IGF2R: variants seen among roughly 807,000 people sequenced by gnomAD.
The protein encoded by IGF2R is cation-independent mannose-6-phosphate receptor.
A neutral mutation model predicts 270.6 loss-of-function variants in IGF2R; 91 were observed. The ratio of observed to expected loss-of-function variants is 0.34; its 90% confidence interval spans 0.28 to 0.40. IGF2R has a LOEUF of 0.40. IGF2R is among the 10% of genes least tolerant of loss of function. The pLI, the probability that IGF2R is intolerant of heterozygous loss-of-function variation, is 1.00. For missense variants in IGF2R, 2,805 were observed against 3,188.3 expected (o/e 0.88, Z 2.90); for synonymous variants, 1,316 against 1,258.9 (o/e 1.05, Z -0.96).
intron 5 of IGF2R, among the ~76,000 whole-genome samples, chr6:160,025,659 C>T (rs913783460): frequency 1.3e-5 from 2 of 151,982 alleles, no homozygotes; most frequent in African/African-American, 2.4e-5. Context: ...CAAAAGTAAC[C>T]AATGATAACT....
Position 160,084,291 on chromosome 6 carries a change from C to G in IGF2R, c.6068+107C>G. 2 of 679,602 alleles carry G rather than the reference C, an allele frequency of 2.9e-6. No individual in the cohort carries two copies. Among genetic ancestry groups the G allele is most frequent in the Non-Finnish European group, 2.6e-6 (1 of 382,884 alleles). The allele number at this position is 679,602 out of a possible 1,614,324, so 42.1% of individuals were successfully genotyped here. ...GGGTTCTCAAGATGGGAATACTATGCCCATGTGAGGCTGATGGTGGTTGAG... is the reference window on the plus strand; with the variant it reads ...GGGTTCTCAAGATGGGAATACTATGGCCATGTGAGGCTGATGGTGGTTGAG... On this transcript the variant is annotated intron_variant, in intron 40 of 47. Transcript: ENST00000356956. The surrounding 1 kb of genome is among the most constrained non-coding windows in gnomAD (Gnocchi z 4.6).
In IGF2R at chr6:160,106,801, G is replaced by A. The variant is rs369917926; in HGVS notation, c.*1717G>A. On this transcript the variant is annotated 3_prime_UTR_variant, in exon 48 of 48. Transcript: ENST00000356956. ...TCTTTACCTTCTCCAGGCCAACCTC[G>A]GGGTGTGGTCCTGTTCATCAAAACA... is the stretch of plus-strand genomic sequence containing the variant. 6.6e-6 allele frequency: 1 copy of A among 152,126 alleles called. No individual in the cohort carries two copies. Among genetic ancestry groups the A allele is most frequent in the African/African-American group, 2.4e-5 (1 of 41,416 alleles). 9.4% of individuals were successfully genotyped at this position (152,126 alleles called of 1,614,324 possible).
chr6:159,977,789 AG>A (rs1333196588), intron 1 of IGF2R, among the ~76,000 whole-genome samples: 3 of 152,102 alleles, frequency 2.0e-5, no homozygotes, highest in Non-Finnish European at 4.4e-5. Flanking sequence ...GTGTGTGTCC[AG>A]TCAGGATGCT....
At chr6:159,996,641 C>G (rs112118335) in intron 2 of IGF2R, among the ~76,000 whole-genome samples, 25 of 152,244 alleles carry the variant, frequency 1.6e-4, no homozygotes, top group African/African-American at 5.5e-4. Flanking sequence ...TGTCACACCC[C>G]GTCCTGGCGC....
At chr6:160,077,518 C>G (rs1778880615) in intron 36 of IGF2R, among the ~76,000 whole-genome samples, 1 of 152,194 alleles carries the variant, frequency 6.6e-6, no homozygotes, top group African/African-American at 2.4e-5. Flanking sequence ...TCAGCAGCTG[C>G]ACATTGAGGG....
chr6:160,088,682 A>G (rs914555658), intron 42 of IGF2R, among the ~76,000 whole-genome samples: 2 of 152,216 alleles, frequency 1.3e-5, no homozygotes, highest in Admixed American at 6.5e-5. Flanking sequence ...AGAAATTGCC[A>G]AAGGATTTAT....
At chr6:159,971,541 A>G (rs1562327472) in intron 1 of IGF2R, among the ~76,000 whole-genome samples, 1 of 152,036 alleles carries the variant, frequency 6.6e-6, no homozygotes, top group African/African-American at 2.4e-5. Flanking sequence ...ATTTTCACCC[A>G]CCTCTTTCCC....
rs17847625 is a variant in IGF2R, at chr6:160,045,983, A to T, written c.1903+101A>T. 263 of 1,049,322 alleles carry T rather than the reference A, an allele frequency of 2.5e-4. 3 individuals carry two copies. In the East Asian group the frequency reaches 7.2e-3, roughly 29 times the overall value. 65.0% of individuals were successfully genotyped at this position (1,049,322 alleles called of 1,614,324 possible). On this transcript the variant is annotated intron_variant, in intron 14 of 47. Transcript: ENST00000356956. ...AGGTTTTCAAGGTGACCCGCCTTAG[A>T]ATTTTATTCATGCTGTTTGAACAAA...
Position 160,027,130 on chromosome 6 carries a change from G to A in IGF2R, c.647-55G>A, listed in dbSNP as rs138895579. Reference sequence around the variant, plus strand: ...AAAGGGACCCTGGGTCTAAGGGTACGTGTGATTATCACTCCTAACACCTAA... The same window carrying A: ...AAAGGGACCCTGGGTCTAAGGGTACATGTGATTATCACTCCTAACACCTAA... On this transcript the variant is annotated intron_variant, in intron 5 of 47. Coordinates refer to ENST00000356956, the MANE Select transcript of IGF2R (RefSeq NM_000876.4). 1.6e-4 allele frequency: 250 copies of A among 1,595,924 alleles called. 1 individual carries two copies. In the African/African-American group the frequency reaches 1.6e-3, roughly 10 times the overall value.
At chr6:160,020,897 T>C (rs935369289) in intron 4 of IGF2R, among the ~76,000 whole-genome samples, 4 of 152,186 alleles carry the variant, frequency 2.6e-5, no homozygotes, top group African/African-American at 9.7e-5. Flanking sequence ...AGGCAAAGAA[T>C]TCATGACTAA....
chr6:160,057,968 G>C (rs1272248038), intron 20 of IGF2R, 55 bp from the exon 21 acceptor site: 1 of 1,033,302 alleles, frequency 9.7e-7, no homozygotes, highest in East Asian at 2.4e-5. Flanking sequence ...TGTATGTTAT[G>C]TTCCTGTGGA....
intron 19 of IGF2R, among the ~76,000 whole-genome samples, chr6:160,054,178 G>A (rs977133177): frequency 6.6e-6 from 1 of 152,202 alleles, no homozygotes; most frequent in Admixed American, 6.5e-5. Context: ...ACTAAGACAC[G>A]AATGGATGCT....
At chr6:160,103,876 C>A in intron 47 of IGF2R, 61 bp downstream of exon 47, 2 of 1,135,818 alleles carry the variant, frequency 1.8e-6, no homozygotes, top group South Asian at 1.2e-5. Context: ...GCTGCGCTGT[C>A]CATGTCGTTC....
Position 160,056,503 on chromosome 6 carries a change from A to G in IGF2R, c.2774A>G (p.Gln925Arg). 6.2e-7 allele frequency: 1 copy of G among 1,613,212 alleles called. No homozygotes were observed. Among genetic ancestry groups the G allele is most frequent in the Non-Finnish European group, 8.5e-7 (1 of 1,179,132 alleles). ...AACACAGAGGCTGCCTGTCCCATTC[A>G]GACAACGACGGATACAGACCAGGTA... Reference protein sequence around the residue: ...LWNTEAACPIQTTTDTDQACS... With the variant: ...LWNTEAACPIRTTTDTDQACS... The change falls in exon 20 of 48, where the codon CAG becomes CGG. Residue 925 changes from glutamine (Q) to arginine (R), a missense_variant. Gln to Arg is a conservative substitution (Grantham distance 43). Transcript: ENST00000356956.
chr6:160,042,508 C>T (rs905611487), intron 11 of IGF2R, among the ~76,000 whole-genome samples: 1 of 152,194 alleles, frequency 6.6e-6, no homozygotes. Flanking sequence ...TGGATGCCCT[C>T]GCCCTTGCTT....
At chr6:160,028,166 G>A (rs1211288788) in intron 6 of IGF2R, among the ~76,000 whole-genome samples, 2 of 152,326 alleles carry the variant, frequency 1.3e-5, no homozygotes, top group Middle Eastern at 3.4e-3. Flanking sequence ...TGAAGAAGGC[G>A]TCACCGGGGC....
At chr6:159,981,370 C>T (rs771771153) in intron 1 of IGF2R, among the ~76,000 whole-genome samples, 20 of 151,918 alleles carry the variant, frequency 1.3e-4, no homozygotes, top group Admixed American at 3.9e-4. Flanking sequence ...TGTCTGAGTG[C>T]GTGTGTCTCT....
intron 1 of IGF2R, among the ~76,000 whole-genome samples, chr6:159,990,152 G>T (rs563695323): frequency 6.6e-6 from 1 of 152,220 alleles, no homozygotes; most frequent in African/African-American, 2.4e-5. Flanking sequence ...AAATCCTTTG[G>T]CTTTTCAGCA....
Position 159,969,365 on chromosome 6 carries a change from C to A in IGF2R, c.119C>A (p.Ala40Asp). 3 of 1,287,804 alleles carry A rather than the reference C, an allele frequency of 2.3e-6. No individual in the cohort carries two copies. Among genetic ancestry groups the A allele is most frequent in the South Asian group, 2.5e-5 (1 of 39,456 alleles). The allele number at this position is 1,287,804 out of a possible 1,614,324, so 79.8% of individuals were successfully genotyped here. The change falls in exon 1 of 48, where the codon GCC becomes GAC. Residue 40 changes from alanine to aspartate, a missense_variant. Transcript: ENST00000356956. ...LLVAAPGSTQ[A>D]QAAPFPELCS... is the part of the protein sequence containing the mutation. Reference sequence around the variant, plus strand: ...GTCGCTGCCCCGGGGTCCACGCAGGCCCAGGCCGCCCCGTTCCCCGAGCTG... The same window carrying A: ...GTCGCTGCCCCGGGGTCCACGCAGGACCAGGCCGCCCCGTTCCCCGAGCTG...
Sources: allele counts gnomAD v4.1 joint callset (sites outside exome capture counted in the v4.1 genomes callset), GRCh38; gene constraint gnomAD v4.1.1; non-coding constraint Gnocchi (gnomAD v3.1); transcripts MANE v1.5; gene names NCBI Gene and HGNC (gene_info 2026-07-23, HGNC 2026-07-21).